Variants in MID1 observed in about 807,000 individuals in gnomAD.
MID1 encodes E3 ubiquitin-protein ligase Midline-1.
In MID1, 7 loss-of-function variants were observed where a neutral mutation model predicts 40.4. That is an observed-to-expected ratio of 0.17 (90% confidence interval 0.10 to 0.33). The LOEUF (loss-of-function observed/expected upper bound fraction) is 0.33, where lower values mean the gene tolerates loss of function less well. MID1 is among the 10% of genes least tolerant of loss of function. MID1 has a pLI of 1.00. For synonymous variants in MID1, 229 were observed against 221.2 expected, an observed-to-expected ratio of 1.04 and a Z score of -0.31; for missense variants, 367 against 558.5, an observed-to-expected ratio of 0.66 and a Z score of 3.46.
At chrX:10,531,326 T>C (rs1441772668) in intron 2 of MID1, among the ~76,000 whole-genome samples, 6 of 112,337 alleles carry the variant, frequency 5.3e-5, no homozygotes, top group African/African-American at 1.9e-4. Flanking sequence ...TATCTTCAGG[T>C]TTGACTCGAC....
chrX:10,450,070 T>A (rs1928236275), intron 9 of MID1, among the ~76,000 whole-genome samples: 1 of 112,707 alleles, frequency 8.9e-6, no homozygotes, highest in East Asian at 2.8e-4. Context: ...AAAAGAACTT[T>A]CTTCAATGAC....
At chrX:10,715,881 G>A (rs766838509) in intron 1 of MID1, among the ~76,000 whole-genome samples, 1 of 111,573 alleles carries the variant, frequency 9.0e-6, no homozygotes, top group East Asian at 2.8e-4. Context: ...AACATTTGCT[G>A]TTCACCAATA....
At chrX:10,470,870 A>G (rs1929667458) in intron 6 of MID1, among the ~76,000 whole-genome samples, 1 of 112,165 alleles carries the variant, frequency 8.9e-6, no homozygotes, top group African/African-American at 3.2e-5. Context: ...TGCATTGTAA[A>G]TAATATTTTA....
intron 1 of MID1, among the ~76,000 whole-genome samples, chrX:10,802,329 GAACATGTAAAA>G (rs915902730): frequency 9.0e-6 from 1 of 111,389 alleles, no homozygotes; most frequent in Non-Finnish European, 1.9e-5. Flanking sequence ...TTAAACAACT[GAACATGTAAAA>G]AAACAAATAA....
chrX:10,792,108 C>T (rs1254889795), intron 1 of MID1, among the ~76,000 whole-genome samples: 1 of 111,536 alleles, frequency 9.0e-6, no homozygotes, highest in African/African-American at 3.3e-5. Flanking sequence ...ATATTTTAAG[C>T]TTTGTGAGCC....
At chrX:10,510,830 C>CAAAAAAAAAAAAAA (rs1185825614) in intron 3 of MID1, among the ~76,000 whole-genome samples, 6 of 23,946 alleles carry the variant, frequency 2.5e-4, no homozygotes, top group Admixed American at 6.5e-4. Context: ...GACTCTGTCT[C>CAAAAAAAAAAAAAA]AAAAAAAAAA....
intron 1 of MID1, among the ~76,000 whole-genome samples, chrX:10,767,736 T>G (rs1304846881): frequency 8.9e-6 from 1 of 112,061 alleles, no homozygotes; most frequent in Non-Finnish European, 1.9e-5. Flanking sequence ...CTTTCAATTC[T>G]CTCAATAAGT....
intron 1 of MID1, among the ~76,000 whole-genome samples, chrX:10,576,137 A>T (rs183279417): frequency 1.8e-3 from 188 of 107,293 alleles, no homozygotes; most frequent in Admixed American, 5.9e-3. Context: ...TATTATTATT[A>T]TTTTTTTACC....
At chrX:10,762,798 A>T (rs2043689565) in intron 1 of MID1, among the ~76,000 whole-genome samples, 1 of 111,667 alleles carries the variant, frequency 9.0e-6, no homozygotes, top group African/African-American at 3.3e-5. Flanking sequence ...TATTCCTTAA[A>T]TATGTTCTCT....
intron 6 of MID1, among the ~76,000 whole-genome samples, chrX:10,471,726 G>A (rs1929720631): frequency 8.9e-6 from 1 of 112,054 alleles, no homozygotes; most frequent in Non-Finnish European, 1.9e-5. Flanking sequence ...GACCAGTGAA[G>A]AAATACTTAC....
At chrX:10,450,121 C>A (rs1056655755) in intron 9 of MID1, among the ~76,000 whole-genome samples, 1 of 112,591 alleles carries the variant, frequency 8.9e-6, no homozygotes, top group African/African-American at 3.2e-5. Flanking sequence ...CCACAAGCCA[C>A]ATATGGCTAC....
chrX:10,645,223 G>A (rs1016162764), intron 1 of MID1, among the ~76,000 whole-genome samples: 7 of 111,941 alleles, frequency 6.3e-5, no homozygotes, highest in African/African-American at 2.3e-4. Context: ...AAAAACTTTA[G>A]CTGAATTAAA....
At position 10,581,549 on chromosome X, in the gene MID1, G is replaced by A. The variant is rs533273109; in HGVS notation, c.-56-13946C>T. Among the ~76,000 whole-genome samples, 60 of 111,646 alleles carry A rather than the reference G, an allele frequency of 5.4e-4. No individual in the cohort carries two copies. The South Asian group carries it at 0.022, about 40-fold the overall frequency. ...GGGTGGTAGGGGATGGGGGATTGGG[G>A]TCCTTCTTCCCTTCTTGTCCTGAAT... On this transcript the variant is annotated intron_variant, in intron 1 of 9. Coordinates refer to ENST00000317552, the MANE Select transcript of MID1 (RefSeq NM_000381.4).
intron 1 of MID1, among the ~76,000 whole-genome samples, chrX:10,592,395 A>C (rs1196238939): frequency 2.8e-5 from 3 of 108,659 alleles, no homozygotes; most frequent in African/African-American, 1.0e-4. Flanking sequence ...TTCTCGTATA[A>C]ATTGTTTTTA....
chrX:10,585,719 G>A (rs915537111), intron 1 of MID1, among the ~76,000 whole-genome samples: 1 of 111,106 alleles, frequency 9.0e-6, no homozygotes, highest in Non-Finnish European at 1.9e-5. Flanking sequence ...CTTGCTGAAG[G>A]TGGACAGGAT....
At chrX:10,749,896 C>T (rs1413826385) in intron 1 of MID1, among the ~76,000 whole-genome samples, 1 of 111,459 alleles carries the variant, frequency 9.0e-6, no homozygotes, top group African/African-American at 3.3e-5. Flanking sequence ...TCCCCACCTC[C>T]AATACTGGGG....
intron 2 of MID1, among the ~76,000 whole-genome samples, chrX:10,553,371 A>G (rs1321430599): frequency 8.9e-6 from 1 of 111,797 alleles, no homozygotes; most frequent in African/African-American, 3.2e-5. Flanking sequence ...TTAGAAACCA[A>G]TTTAAATCTA....
chrX:10,733,489 C>G (rs112709719), intron 1 of MID1, among the ~76,000 whole-genome samples: 4,198 of 111,197 alleles, frequency 0.038, 169 homozygotes, highest in African/African-American at 0.13. Context: ...TTGTGCTTAT[C>G]AAAATACACT....
At chrX:10,783,156 T>C (rs1198554887) in intron 1 of MID1, among the ~76,000 whole-genome samples, 1 of 111,786 alleles carries the variant, frequency 8.9e-6, no homozygotes, top group Non-Finnish European at 1.9e-5. Context: ...TGGCTGGCCA[T>C]ACTGGACAGT....
Sources: allele counts gnomAD v4.1 joint callset (sites outside exome capture counted in the v4.1 genomes callset), GRCh38; gene constraint gnomAD v4.1.1; transcripts MANE v1.5; gene names NCBI Gene and HGNC (gene_info 2026-07-23, HGNC 2026-07-21).